Variants in GCFC2 observed in about 807,000 individuals in gnomAD.
The protein encoded by GCFC2 is GC-rich sequence DNA-binding factor 2.
Under a neutral mutation model 99.4 loss-of-function variants are expected in GCFC2, and 102 were observed. The ratio of observed to expected loss-of-function variants is 1.03; its 90% CI spans 0.87 to 1.21. GCFC2 has a LOEUF of 1.21. Ranked by LOEUF, GCFC2 falls within the 50% of genes most tolerant of loss-of-function variation. The pLI is 0.00. For missense variants in GCFC2, 973 were observed against 920.9 expected, an observed-to-expected ratio of 1.06 and a Z score of -0.73; for synonymous variants, 338 against 316.8, an observed-to-expected ratio of 1.07 and a Z score of -0.71.
In GCFC2 at chr2:75,670,265, AGAAGAATATTGCG is replaced by A; in HGVS notation, c.1963_1975del (p.Arg655PhefsTer14). 1 of 1,605,472 alleles carries A rather than the reference AGAAGAATATTGCG, an allele frequency of 6.2e-7. No individual in the cohort carries two copies. Among genetic ancestry groups the A allele is most frequent in the Non-Finnish European group, 8.5e-7 (1 of 1,172,532 alleles). On this transcript the variant is annotated frameshift_variant, in exon 15 of 17. Coordinates refer to ENST00000321027, the MANE Select transcript of GCFC2 (RefSeq NM_003203.5). LOFTEE classifies it high-confidence loss of function. ...GTCATCTGTAAGGAGTCCATTCCAAAGAAGAATATTGCGGAAGAGCTAAAATAAAATATCAAGT... is the reference window on the plus strand; with the variant it reads ...GTCATCTGTAAGGAGTCCATTCCAAAGAAGAGCTAAAATAAAATATCAAGT...
At chr2:75,664,806 C>T (rs1172758419) in intron 16 of GCFC2, 23 bp from the exon 17 acceptor site, 10 of 1,158,926 alleles carry the variant, frequency 8.6e-6, no homozygotes, top group Non-Finnish European at 1.3e-5. Flanking sequence ...ACAAATTTCT[C>T]CCTTTAAAAA....
chr2:75,711,709 G>C (rs1194606981), upstream of GCFC2, among the ~76,000 whole-genome samples: 1 of 152,226 alleles, frequency 6.6e-6, no homozygotes, highest in Non-Finnish European at 1.5e-5. Flanking sequence ...TGAGGGACTT[G>C]GCACCCGGGC....
intron 4 of GCFC2, among the ~76,000 whole-genome samples, chr2:75,698,532 TTATAA>T (rs1261362445): frequency 1.3e-5 from 2 of 152,178 alleles, no homozygotes; most frequent in Non-Finnish European, 2.9e-5. Context: ...AGAAGATAAT[TTATAA>T]TATGTCAAGC....
At chr2:75,673,049 G>T (rs150832153) in intron 13 of GCFC2, among the ~76,000 whole-genome samples, 3 of 152,190 alleles carry the variant, frequency 2.0e-5, no homozygotes, top group East Asian at 3.9e-4. Context: ...GGTGGCTCAC[G>T]CCTGTAATCC....
chr2:75,673,655 C>CA (rs1183356385), intron 12 of GCFC2, 135 bp from the exon 13 acceptor site: 33 of 602,918 alleles, frequency 5.5e-5, no homozygotes, highest in Admixed American at 1.5e-4. Context: ...CAATTGGGTA[C>CA]AAAAAAAACC....
intron 2 of GCFC2, among the ~76,000 whole-genome samples, chr2:75,704,049 G>A (rs955768001): frequency 5.3e-5 from 8 of 152,276 alleles, no homozygotes; most frequent in South Asian, 4.1e-4. Flanking sequence ...AGAGTATTGC[G>A]TTTGTCCTGT....
At chr2:75,681,895 ACTC>A (rs1679598204) in intron 11 of GCFC2, among the ~76,000 whole-genome samples, 1 of 151,448 alleles carries the variant, frequency 6.6e-6, no homozygotes, top group South Asian at 2.1e-4. Context: ...GCCTCTCTAG[ACTC>A]CTCTTCTCTG....
At chr2:75,671,451 T>C (rs1558731512) in intron 14 of GCFC2, among the ~76,000 whole-genome samples, 1 of 152,202 alleles carries the variant, frequency 6.6e-6, no homozygotes, top group Non-Finnish European at 1.5e-5. Flanking sequence ...ACAAAATAGA[T>C]CTTATCTTCC....
At chr2:75,678,609 C>T (rs1418655549) in intron 12 of GCFC2, among the ~76,000 whole-genome samples, 1 of 152,168 alleles carries the variant, frequency 6.6e-6, no homozygotes, top group African/African-American at 2.4e-5. Flanking sequence ...TTTATCTATG[C>T]TGCTCAAGGG....
At chr2:75,687,594 C>CGTCAGATG (rs1679877006) in intron 11 of GCFC2, among the ~76,000 whole-genome samples, 1 of 152,062 alleles carries the variant, frequency 6.6e-6, no homozygotes, top group South Asian at 2.1e-4. Context: ...GCTGATGATA[C>CGTCAGATG]GTCAGATGAG....
chr2:75,701,390 C>T (rs950235095), intron 3 of GCFC2, 103 bp from the exon 4 acceptor site: 13 of 651,690 alleles, frequency 2.0e-5, no homozygotes, highest in Middle Eastern at 2.8e-4. Context: ...CACCACTTGA[C>T]GTGTTATTTA....
intron 9 of GCFC2, 89 bp from the exon 10 acceptor site, chr2:75,689,314 A>C (rs1679952100): frequency 1.5e-6 from 1 of 652,740 alleles, no homozygotes; most frequent in Admixed American, 3.2e-5. Flanking sequence ...GACTGTAATC[A>C]ATTGAGCTAA....
At chr2:75,710,986 G>C, upstream of GCFC2, 5 of 1,365,518 alleles carry the variant, frequency 3.7e-6, no homozygotes, top group Non-Finnish European at 4.7e-6. Context: ...CCTGCCTTCT[G>C]CTCACCGCTA....
rs1573104497 is a variant in GCFC2 at position 75,710,680 on chromosome 2, T to TG, written c.175dup (p.His59ProfsTer36). On this transcript the variant is annotated frameshift_variant, in exon 1 of 17. Transcript: ENST00000321027. LOFTEE classifies it high-confidence loss of function. ...CCGGCCACGAGGGCCCCGAACCCGG[T>TG]GGGGCAGTCCCGCCACCTGCGCGCG... The TG allele has an allele frequency of 6.6e-7, 1 of 1,524,816 alleles. No homozygotes were observed. The highest frequency in any genetic ancestry group is 8.8e-7 in the Non-Finnish European group (1 of 1,141,566). 94.5% of individuals were successfully genotyped at this position (1,524,816 alleles called of 1,614,324 possible).
intron 10 of GCFC2, 86 bp from the exon 11 acceptor site, chr2:75,688,063 C>G (rs936010392): frequency 1.3e-6 from 1 of 794,434 alleles, no homozygotes; most frequent in Non-Finnish European, 2.0e-6. Context: ...CAATAATCAC[C>G]AGAGCTTTTC....
Position 75,694,281 on chromosome 2 carries a change from T to A in GCFC2, c.980A>T (p.Lys327Ile). 1 of 1,153,460 alleles carries A rather than the reference T, an allele frequency of 8.7e-7. No homozygotes were observed. Among genetic ancestry groups the A allele is most frequent in the Non-Finnish European group, 1.3e-6 (1 of 785,980 alleles). 71.5% of individuals were successfully genotyped at this position (1,153,460 alleles called of 1,614,324 possible). Reference sequence around the variant, plus strand: ...GTCAATTAAATTTTCCACATAAATTTTCATGCTTTTATAGAATTTACAATT... The same window carrying A: ...GTCAATTAAATTTTCCACATAAATTATCATGCTTTTATAGAATTTACAATT... ...ALNCKFYKSM[K>I]IYVENLIDCL... The change falls in exon 6 of 17, where the codon AAA (lysine) becomes ATA (isoleucine). Residue 327 changes from lysine (K) to isoleucine (I), a missense_variant. Coordinates refer to ENST00000321027, the MANE Select transcript of GCFC2 (RefSeq NM_003203.5).
intron 11 of GCFC2, among the ~76,000 whole-genome samples, chr2:75,683,771 CAAAAAAA>C (rs749580096): frequency 0.059 from 3,560 of 60,458 alleles, 47 homozygotes; most frequent in Middle Eastern, 0.14. Context: ...AAATGGAAAG[CAAAAAAA>C]AAAAAAAAAA....
intron 10 of GCFC2, among the ~76,000 whole-genome samples, chr2:75,688,335 A>G (rs570440605): frequency 6.6e-6 from 1 of 152,308 alleles, no homozygotes; most frequent in East Asian, 1.9e-4. Flanking sequence ...TGTTTATAAA[A>G]AAAATTCATC....
intron 9 of GCFC2, among the ~76,000 whole-genome samples, chr2:75,689,686 A>T (rs1362376671): frequency 2.6e-5 from 4 of 152,152 alleles, no homozygotes; most frequent in Non-Finnish European, 4.4e-5. Context: ...ACAATATAGA[A>T]AGTATGTGTG....
Sources: gnomAD v4.1 joint callset for allele counts (sites outside exome capture counted in the v4.1 genomes callset) on GRCh38, gnomAD v4.1.1 for gene constraint, MANE v1.5 for transcripts, NCBI Gene and HGNC (gene_info 2026-07-23, HGNC 2026-07-21) for gene names.